SH3GL3: variants seen among roughly 807,000 people sequenced by gnomAD.
SH3GL3 encodes endophilin-A3.
In SH3GL3, 33 loss-of-function variants were observed where a neutral mutation model predicts 47.7. The ratio of observed to expected loss-of-function variants is 0.69; its 90% CI spans 0.52 to 0.92. SH3GL3 has a LOEUF of 0.92. Ranked by LOEUF, SH3GL3 falls within the 40% of genes least tolerant of loss-of-function variation. The pLI, the probability that SH3GL3 is intolerant of heterozygous loss-of-function variation, is 0.00. For missense variants in SH3GL3, 363 were observed against 417.8 expected (o/e 0.87, Z 1.14); for synonymous variants, 155 against 148.8 (o/e 1.04, Z -0.30).
At chr15:83,501,452 G>T (rs1432160168) in intron 1 of SH3GL3, among the ~76,000 whole-genome samples, 1 of 152,162 alleles carries the variant, frequency 6.6e-6, no homozygotes, top group African/African-American at 2.4e-5. Flanking sequence ...ATATTCTTGG[G>T]AAGGTTAGAG....
At chr15:83,517,271 C>G (rs1383266283) in intron 1 of SH3GL3, among the ~76,000 whole-genome samples, 2 of 141,872 alleles carry the variant, frequency 1.4e-5, no homozygotes, top group African/African-American at 5.3e-5. Context: ...GTGGCATAAT[C>G]TCTGCTCACT....
chr15:83,594,099 A>T (rs1040738909), intron 8 of SH3GL3, among the ~76,000 whole-genome samples: 1 of 152,228 alleles, frequency 6.6e-6, no homozygotes, highest in Non-Finnish European at 1.5e-5. Flanking sequence ...GATTACAGGC[A>T]TGAGCCACTA....
intron 1 of SH3GL3, among the ~76,000 whole-genome samples, chr15:83,532,112 T>G (rs1453756741): frequency 6.6e-6 from 1 of 152,200 alleles, no homozygotes; most frequent in East Asian, 1.9e-4. Flanking sequence ...CTATCAACTG[T>G]GTGGGTGGTG....
intron 1 of SH3GL3, among the ~76,000 whole-genome samples, chr15:83,481,980 A>G (rs918315294): frequency 1.3e-5 from 2 of 152,206 alleles, no homozygotes; most frequent in African/African-American, 2.4e-5. Flanking sequence ...CCAATTTATT[A>G]CTTAACAGAA....
At chr15:83,472,214 A>G (rs1212435216) in intron 1 of SH3GL3, among the ~76,000 whole-genome samples, 1 of 152,090 alleles carries the variant, frequency 6.6e-6, no homozygotes, top group Non-Finnish European at 1.5e-5. Flanking sequence ...TTTGGCATTT[A>G]CTTAGCTTCT....
In SH3GL3 at chr15:83,588,789, A is replaced by T; in HGVS notation, c.838+18A>T. 7.6e-7 allele frequency: 1 copy of T among 1,322,114 alleles called. No homozygotes were observed. Among genetic ancestry groups the T allele is most frequent in the Non-Finnish European group, 1.1e-6 (1 of 913,604 alleles). The allele number at this position is 1,322,114 out of a possible 1,614,324, so 81.9% of individuals were successfully genotyped here. ...GACGACAGGTAAGTTGACCATTCTA[A>T]TATGCTAAGTGTGCCTTTAGTAAAG... On this transcript the variant is annotated intron_variant, in intron 8 of 8. Coordinates refer to ENST00000427482, the MANE Select transcript of SH3GL3 (RefSeq NM_003027.5).
At chr15:83,450,895 G>A (rs1222531473) in intron 1 of SH3GL3, among the ~76,000 whole-genome samples, 38 of 127,136 alleles carry the variant, frequency 3.0e-4, no homozygotes, top group Middle Eastern at 4.1e-3. Flanking sequence ...ATGCTGGTGC[G>A]CTGCACCCAC....
intron 1 of SH3GL3, among the ~76,000 whole-genome samples, chr15:83,511,130 T>G (rs933366731): frequency 4.0e-4 from 59 of 147,534 alleles, no homozygotes; most frequent in African/African-American, 1.4e-3. Flanking sequence ...ACCCTAGAAC[T>G]TAAAGTATAA....
intron 1 of SH3GL3, among the ~76,000 whole-genome samples, chr15:83,449,638 CTAGTCATGGG>C (rs2039637099): frequency 6.6e-6 from 1 of 151,474 alleles, no homozygotes; most frequent in African/African-American, 2.4e-5. Flanking sequence ...AAATATTTTG[CTAGTCATGGG>C]TAGTTTGGTT....
intron 1 of SH3GL3, among the ~76,000 whole-genome samples, chr15:83,546,906 G>A (rs1234053161): frequency 1.3e-5 from 2 of 152,076 alleles, no homozygotes; most frequent in East Asian, 1.9e-4. Context: ...TTACTGTGAC[G>A]GAGCTGGTAT....
At chr15:83,548,937 T>C (rs1416507761) in intron 1 of SH3GL3, among the ~76,000 whole-genome samples, 2 of 152,170 alleles carry the variant, frequency 1.3e-5, no homozygotes, top group Non-Finnish European at 2.9e-5. Context: ...GATGTGCTTA[T>C]AGTGCTCTTT....
chr15:83,631,947 C>G, the SH3GL3 span, among the ~76,000 whole-genome samples: 1 of 152,156 alleles, frequency 6.6e-6, no homozygotes, highest in African/African-American at 2.4e-5. Flanking sequence ...GCAAAGTTTC[C>G]AAACTTTTAT....
chr15:83,624,744 G>A, the SH3GL3 span, among the ~76,000 whole-genome samples: 1 of 152,184 alleles, frequency 6.6e-6, no homozygotes, highest in Non-Finnish European at 1.5e-5. Context: ...AGACCAGGCT[G>A]GGCAACATTG....
rs371318767 is a variant in SH3GL3 at position 83,553,701 on chromosome 15, C to T, written c.46-5552C>T. Among the ~76,000 whole-genome samples the T allele has an allele frequency of 9.9e-5, 15 of 152,278 alleles. 1 individual carries two copies. The East Asian group carries it at 1.4e-3, about 14-fold the overall frequency. ...TGTCTAAAGTTATACCCATTTCTCACCTCCTCCTGAACACACATGAATCTT... is the reference window on the plus strand; with the variant it reads ...TGTCTAAAGTTATACCCATTTCTCATCTCCTCCTGAACACACATGAATCTT... On this transcript the variant is annotated intron_variant, in intron 1 of 8. Transcript: ENST00000427482.
At chr15:83,471,194 C>A (rs976324406) in intron 1 of SH3GL3, among the ~76,000 whole-genome samples, 2 of 152,080 alleles carry the variant, frequency 1.3e-5, no homozygotes, top group African/African-American at 4.8e-5. Flanking sequence ...AACAAATTCT[C>A]TTAGTTTTCC....
intron 1 of SH3GL3, among the ~76,000 whole-genome samples, chr15:83,511,802 C>G (rs1319997275): frequency 6.6e-6 from 1 of 152,182 alleles, no homozygotes; most frequent in East Asian, 1.9e-4. Flanking sequence ...GGAAGCCACA[C>G]CCTTGACATT....
chr15:83,581,660 C>T (rs1159518961), intron 6 of SH3GL3, among the ~76,000 whole-genome samples: 1 of 152,178 alleles, frequency 6.6e-6, no homozygotes, highest in African/African-American at 2.4e-5. Context: ...CGTAATCTCA[C>T]CAGTTAGATG....
In SH3GL3 at chr15:83,487,107, A is replaced by G. The variant is rs375131460; in HGVS notation, c.45+39529A>G. On this transcript the variant is annotated intron_variant, in intron 1 of 8. Coordinates refer to ENST00000427482, the MANE Select transcript of SH3GL3 (RefSeq NM_003027.5). ...ACAATACTCATGTGCAAGTATTTGC[A>G]TCATATTTTCAATTATTTGGGGTAT... Among the ~76,000 whole-genome samples the G allele has an allele frequency of 2.4e-4, 37 of 152,298 alleles. 1 individual carries two copies. The South Asian group carries it at 7.2e-3, about 30-fold the overall frequency.
chr15:83,581,797 C>T (rs995996830), intron 6 of SH3GL3, among the ~76,000 whole-genome samples: 1 of 152,232 alleles, frequency 6.6e-6, no homozygotes, highest in African/African-American at 2.4e-5. Flanking sequence ...GAAGAGTCTC[C>T]TTCGGCCCCA....
Sources: gnomAD v4.1 joint callset for allele counts (sites outside exome capture counted in the v4.1 genomes callset) on GRCh38, gnomAD v4.1.1 for gene constraint, MANE v1.5 for transcripts, NCBI Gene and HGNC (gene_info 2026-07-23, HGNC 2026-07-21) for gene names.